Variants in DOP1B observed in about 807,000 individuals in gnomAD.
DOP1B encodes the protein DOP1 leucine zipper like protein B, also known as protein DOP1B.
DOP1B carries 174 observed loss-of-function variants against 233.5 expected under a neutral mutation model. That is an observed-to-expected ratio of 0.75 (90% CI 0.66 to 0.85). The LOEUF (loss-of-function observed/expected upper bound fraction) is 0.85. Among genes scored for constraint, DOP1B ranks in the 40% least tolerant of loss-of-function variants. The pLI is 0.00. For missense variants in DOP1B, 2,652 were observed against 2,846.6 expected (o/e 0.93, Z 1.56); for synonymous variants, 1,190 against 1,185.6 (o/e 1.00, Z -0.08).
chr21:36,270,146 A>G lies in DOP1B; in HGVS notation c.5621A>G (p.Glu1874Gly). The change falls in exon 27 of 37, where the codon GAG becomes GGG. Residue 1874 changes from glutamate (E) to glycine (G), a missense_variant. Physicochemically the swap from Glu to Gly is moderately conservative, Grantham distance 98. Transcript: ENST00000691173. Reference protein sequence around the residue: ...QASLEESDAEEDLYDAAAASA... With the variant: ...QASLEESDAEGDLYDAAAASA... ...TCTCTAGAAGAATCTGATGCTGAGGAGGACCTGTATGGTAGGTGGAGATGG... is the reference window on the plus strand; with the variant it reads ...TCTCTAGAAGAATCTGATGCTGAGGGGGACCTGTATGGTAGGTGGAGATGG... 1 of 1,614,068 alleles carries G rather than the reference A, an allele frequency of 6.2e-7. No homozygotes were observed. The highest frequency in any genetic ancestry group is 1.3e-5 in the African/African-American group (1 of 75,042).
intron 2 of DOP1B, among the ~76,000 whole-genome samples, chr21:36,191,414 C>T (rs527601614): frequency 4.6e-5 from 7 of 152,300 alleles, no homozygotes; most frequent in Admixed American, 1.3e-4. Context: ...TGGGCTGCCT[C>T]AGGGTTTGCT....
chr21:36,227,357 C>T (rs13046850), intron 12 of DOP1B, among the ~76,000 whole-genome samples: 108,818 of 151,484 alleles, frequency 0.72, 39,636 homozygotes, highest in Non-Finnish European at 0.79. Context: ...ACCATCCTGG[C>T]TAACACGGTG....
chr21:36,219,129 T>G (rs893072826), intron 9 of DOP1B, among the ~76,000 whole-genome samples: 1 of 152,160 alleles, frequency 6.6e-6, no homozygotes, highest in African/African-American at 2.4e-5. Context: ...TTAATAGATG[T>G]AAAACGCGTA....
chr21:36,182,404 G>A (rs776963324), intron 2 of DOP1B, among the ~76,000 whole-genome samples: 2 of 152,106 alleles, frequency 1.3e-5, no homozygotes, highest in Non-Finnish European at 2.9e-5. Context: ...GATTAATTTC[G>A]AGGTGGGCAC....
At chr21:36,263,289 G>A (rs1446774550) in intron 24 of DOP1B, among the ~76,000 whole-genome samples, 1 of 148,690 alleles carries the variant, frequency 6.7e-6, no homozygotes, top group Non-Finnish European at 1.5e-5. Context: ...TCTAATTTAA[G>A]GCTTTTATTT....
At position 36,179,104 on chromosome 21, in the gene DOP1B, CA is replaced by C. The variant is rs1394340871; in HGVS notation, c.138+14236del. Reference sequence around the variant, plus strand: ...TTCTGGTCTGGCTTCTTTCACTCAGCAAAGCTACTTCGAGAGTCATTCAGGC... The same window carrying C: ...TTCTGGTCTGGCTTCTTTCACTCAGCAAGCTACTTCGAGAGTCATTCAGGC... On this transcript the variant is annotated intron_variant, in intron 2 of 36. Coordinates refer to ENST00000691173, the MANE Select transcript of DOP1B (RefSeq NM_001320714.2). Among the ~76,000 whole-genome samples, 3 of 152,232 alleles carry C rather than the reference CA, an allele frequency of 2.0e-5. No homozygotes were observed. The South Asian group carries it at 6.2e-4, about 32-fold the overall frequency.
chr21:36,176,488 C>T (rs983450952), intron 2 of DOP1B, among the ~76,000 whole-genome samples: 1 of 151,882 alleles, frequency 6.6e-6, no homozygotes, highest in Non-Finnish European at 1.5e-5. Context: ...GAGCGTGACA[C>T]CTAAATTTGG....
At chr21:36,227,616 A>G in intron 12 of DOP1B, 70 bp from the exon 13 acceptor site, 1 of 1,326,324 alleles carries the variant, frequency 7.5e-7, no homozygotes, top group Non-Finnish European at 1.0e-6. Flanking sequence ...ATTAGATGCC[A>G]TTTTGAGATG....
At chr21:36,271,799 G>A (rs947218820) in intron 27 of DOP1B, among the ~76,000 whole-genome samples, 11 of 150,750 alleles carry the variant, frequency 7.3e-5, no homozygotes, top group Non-Finnish European at 1.3e-4. Context: ...AAGATGATGA[G>A]AATGTGTGTG....
intron 23 of DOP1B, among the ~76,000 whole-genome samples, chr21:36,258,088 T>C (rs1367384122): frequency 6.6e-6 from 1 of 151,958 alleles, no homozygotes; most frequent in Non-Finnish European, 1.5e-5. Context: ...GGTAGATAGA[T>C]AGATAGATGT....
intron 4 of DOP1B, among the ~76,000 whole-genome samples, chr21:36,207,598 G>A (rs1027336517): frequency 2.7e-5 from 4 of 150,860 alleles, no homozygotes; most frequent in Admixed American, 6.6e-5. Context: ...GAGCACGGGC[G>A]TGCACAGATG....
chr21:36,281,388 C>A, intron 31 of DOP1B, 95 bp from the exon 32 acceptor site: 1 of 1,316,544 alleles, frequency 7.6e-7, no homozygotes, highest in Non-Finnish European at 1.0e-6. Flanking sequence ...TGATTTTTCA[C>A]CAGGGAATAT....
At chr21:36,201,081 G>A (rs1328071322) in intron 4 of DOP1B, among the ~76,000 whole-genome samples, 1 of 152,282 alleles carries the variant, frequency 6.6e-6, no homozygotes, top group South Asian at 2.1e-4. Flanking sequence ...ATGATGTCCT[G>A]TCCCGTTACG....
chr21:36,252,331 G>A (rs978764657), intron 22 of DOP1B, among the ~76,000 whole-genome samples: 9 of 151,136 alleles, frequency 6.0e-5, no homozygotes, highest in African/African-American at 1.2e-4. Context: ...GGTGGTATGC[G>A]CCTATAGTCC....
chr21:36,172,379 G>A (rs1479986511), intron 2 of DOP1B, among the ~76,000 whole-genome samples: 8 of 152,218 alleles, frequency 5.3e-5, no homozygotes, highest in Admixed American at 5.2e-4. Flanking sequence ...GCTGGAGGGA[G>A]CACATCTTGA....
chr21:36,278,465 C>T (rs1208816779), intron 30 of DOP1B, 110 bp downstream of exon 30: 13 of 1,184,188 alleles, frequency 1.1e-5, no homozygotes, highest in Non-Finnish European at 1.5e-5. Context: ...TAGGATCAAC[C>T]CAAATAACAG....
Position 36,280,323 on chromosome 21 carries a change from A to C in DOP1B, c.6008A>C (p.Lys2003Thr). Residue 2003 changes from lysine to threonine, a missense_variant, in exon 31 of 37, where the codon AAA (lysine) becomes ACA (threonine). Coordinates refer to ENST00000691173, the MANE Select transcript of DOP1B (RefSeq NM_001320714.2). ...ATTGACCATCTTTTGACTCATGAGAAAACAATGTTTAAGGATTTAATGAGT... is the reference window on the plus strand; with the variant it reads ...ATTGACCATCTTTTGACTCATGAGACAACAATGTTTAAGGATTTAATGAGT... ...SIIDHLLTHEKTMFKDLMNMQ... is the reference protein window; with the variant it reads ...SIIDHLLTHETTMFKDLMNMQ... 1 of 1,610,370 alleles carries C rather than the reference A, an allele frequency of 6.2e-7. No individual in the cohort carries two copies. The highest frequency in any genetic ancestry group is 8.5e-7 in the Non-Finnish European group (1 of 1,177,858).
At chr21:36,272,454 G>A (rs2067299187) in intron 27 of DOP1B, among the ~76,000 whole-genome samples, 2 of 150,520 alleles carry the variant, frequency 1.3e-5, no homozygotes, top group African/African-American at 2.4e-5. Context: ...GTTCGAGACT[G>A]GCCTGGCCAA....
chr21:36,280,398 A>G (rs769894819), intron 31 of DOP1B, 52 bp downstream of exon 31: 18 of 1,330,774 alleles, frequency 1.4e-5, no homozygotes, highest in East Asian at 2.4e-5. Context: ...ATCAATGCCA[A>G]TATAACCAGC....
Sources: allele counts gnomAD v4.1 joint callset (sites outside exome capture counted in the v4.1 genomes callset), GRCh38; gene constraint gnomAD v4.1.1; transcripts MANE v1.5; gene names NCBI Gene and HGNC (gene_info 2026-07-23, HGNC 2026-07-21).